WWOX: variants seen among roughly 807,000 people sequenced by gnomAD.
WWOX encodes the protein WW domain containing oxidoreductase.
In WWOX, 69 loss-of-function variants were observed where a neutral mutation model predicts 46.2. The observed-to-expected ratio is 1.49, with a 90% CI of 1.23 to 1.82. The LOEUF (loss-of-function observed/expected upper bound fraction) is 1.82. Among genes scored for constraint, WWOX ranks in the 40% most tolerant of loss-of-function variants. The pLI is 0.00. For synonymous variants in WWOX, 359 were observed against 202.6 expected (o/e 1.77, Z -6.56); for missense variants, 919 against 542.6 (o/e 1.69, Z -6.89).
At chr16:78,347,238 G>T (rs1232282975) in intron 5 of WWOX, among the ~76,000 whole-genome samples, 2 of 107,222 alleles carry the variant, frequency 1.9e-5, no homozygotes, top group Admixed American at 9.5e-5. Context: ...TTAAATGTCA[G>T]TGTCCCCCAC....
At chr16:78,731,316 C>T (rs995475519) in intron 8 of WWOX, among the ~76,000 whole-genome samples, 8 of 152,122 alleles carry the variant, frequency 5.3e-5, no homozygotes, top group African/African-American at 1.9e-4. Context: ...GCTGCCAATT[C>T]CTCTGCTTTT....
At chr16:79,088,963 A>G (rs2048902828) in intron 8 of WWOX, among the ~76,000 whole-genome samples, 2 of 152,164 alleles carry the variant, frequency 1.3e-5, no homozygotes, top group South Asian at 2.1e-4. Context: ...GTTTAGTGTA[A>G]TGAGGGAGTA....
chr16:78,972,944 A>G (rs1429814894), intron 8 of WWOX, among the ~76,000 whole-genome samples: 1 of 152,202 alleles, frequency 6.6e-6, no homozygotes, highest in African/African-American at 2.4e-5. Context: ...GTAATTGACA[A>G]AAACTGCAGG....
intron 8 of WWOX, among the ~76,000 whole-genome samples, chr16:78,502,893 G>A (rs1231029883): frequency 2.0e-5 from 3 of 152,158 alleles, no homozygotes; most frequent in East Asian, 1.9e-4. Context: ...AGGCAATGGC[G>A]TTTTCTATTC....
intron 8 of WWOX, among the ~76,000 whole-genome samples, chr16:78,485,128 G>A: frequency 6.7e-6 from 1 of 149,990 alleles, no homozygotes; most frequent in East Asian, 1.9e-4. Flanking sequence ...CAGGGTTTAG[G>A]TTTACATGTA....
intron 8 of WWOX, among the ~76,000 whole-genome samples, chr16:79,210,749 C>A (rs1370051628): frequency 6.6e-6 from 1 of 151,978 alleles, no homozygotes; most frequent in African/African-American, 2.4e-5. Flanking sequence ...TTCTTGCCCT[C>A]TTTATAGCAT....
chr16:78,809,058 C>G (rs1032222839), intron 8 of WWOX, among the ~76,000 whole-genome samples: 1 of 152,080 alleles, frequency 6.6e-6, no homozygotes, highest in African/African-American at 2.4e-5. Context: ...AGCTAATGAG[C>G]TATGGGCCCC....
chr16:78,440,549 G>C (rs961640450), intron 8 of WWOX, among the ~76,000 whole-genome samples: 1 of 151,924 alleles, frequency 6.6e-6, no homozygotes, highest in Non-Finnish European at 1.5e-5. Flanking sequence ...TAAATGAAGA[G>C]TCCCTGGAAT....
chr16:78,336,701 TC>T (rs1429831693), intron 5 of WWOX, among the ~76,000 whole-genome samples: 1 of 152,130 alleles, frequency 6.6e-6, no homozygotes, highest in East Asian at 1.9e-4. Flanking sequence ...TGCCATCTTT[TC>T]TAATTTTTTT....
intron 8 of WWOX, among the ~76,000 whole-genome samples, chr16:78,633,506 C>T (rs907553510): frequency 1.8e-4 from 28 of 152,108 alleles, no homozygotes; most frequent in Non-Finnish European, 3.5e-4. Flanking sequence ...AGGTCCTGCC[C>T]GTGTTCTCTA....
chr16:79,139,652 T>A (rs1045508841), intron 8 of WWOX, among the ~76,000 whole-genome samples: 2 of 152,174 alleles, frequency 1.3e-5, no homozygotes, highest in African/African-American at 4.8e-5. Context: ...CAGGCCGATC[T>A]TGTTGAAATG....
At position 79,146,773 on chromosome 16, in the gene WWOX, C is replaced by G. The variant is rs574698725; in HGVS notation, c.1057-64835C>G. 6.6e-5 allele frequency among the ~76,000 whole-genome samples: 10 copies of G among 152,158 alleles called. No individual in the cohort carries two copies. The South Asian group carries it at 2.1e-3, about 32-fold the overall frequency. On this transcript the variant is annotated intron_variant, in intron 8 of 8. Transcript: ENST00000566780. ...TTCAAGGAGCTTACATTCTAGGAAG[C>G]GAAGACTACTGAACAAGAGATTTTA...
chr16:78,385,293 A>G (rs370688288), intron 5 of WWOX, among the ~76,000 whole-genome samples: 16 of 152,316 alleles, frequency 1.1e-4, no homozygotes, highest in African/African-American at 2.6e-4. Flanking sequence ...GTGCTGGACT[A>G]TAACCCACCC....
intron 8 of WWOX, among the ~76,000 whole-genome samples, chr16:79,114,391 T>G (rs2049472740): frequency 6.6e-6 from 1 of 151,154 alleles, no homozygotes; most frequent in Non-Finnish European, 1.5e-5. Flanking sequence ...CATATCTACG[T>G]ATCTACATGT....
intron 5 of WWOX, among the ~76,000 whole-genome samples, chr16:78,254,062 C>G (rs550147496): frequency 6.6e-6 from 1 of 151,870 alleles, no homozygotes; most frequent in Non-Finnish European, 1.5e-5. Context: ...TAATGTCTTT[C>G]GTGAAGAATT....
At chr16:79,199,022 C>A (rs2051295183) in intron 8 of WWOX, among the ~76,000 whole-genome samples, 1 of 152,146 alleles carries the variant, frequency 6.6e-6, no homozygotes, top group Non-Finnish European at 1.5e-5. Context: ...TTGACCTAGG[C>A]AGAAAACTTT....
intron 5 of WWOX, among the ~76,000 whole-genome samples, chr16:78,333,655 A>G (rs1226993565): frequency 1.3e-5 from 2 of 152,188 alleles, no homozygotes. Context: ...TTAAGTCTCC[A>G]GAATACATAC....
intron 5 of WWOX, among the ~76,000 whole-genome samples, chr16:78,369,110 G>A (rs766589085): frequency 6.7e-6 from 1 of 149,156 alleles, no homozygotes; most frequent in East Asian, 2.0e-4. Flanking sequence ...CATTGAACTT[G>A]TGATGTACAC....
chr16:78,102,869 C>A (rs972523745), intron 1 of WWOX, among the ~76,000 whole-genome samples: 2 of 151,980 alleles, frequency 1.3e-5, no homozygotes, highest in Non-Finnish European at 2.9e-5. Context: ...GAGGGTCAGC[C>A]GCAGGCTTCT....
Sources: allele counts gnomAD v4.1 joint callset (sites outside exome capture counted in the v4.1 genomes callset), GRCh38; gene constraint gnomAD v4.1.1; transcripts MANE v1.5; gene names NCBI Gene and HGNC (gene_info 2026-07-23, HGNC 2026-07-21).